MCTP2: variants seen among roughly 807,000 people sequenced by gnomAD.
MCTP2 encodes multiple C2 and transmembrane domain containing 2.
A neutral mutation model predicts 111.6 loss-of-function variants in MCTP2; 132 were observed. The observed-to-expected ratio is 1.18, with a 90% CI of 1.03 to 1.37. The LOEUF is 1.37. MCTP2 is among the 40% of genes most tolerant of loss of function. MCTP2 has a pLI of 0.00. For missense variants in MCTP2, 1,183 were observed against 1,067.9 expected, an observed-to-expected ratio of 1.11 and a Z score of -1.50; for synonymous variants, 395 against 387.7, an observed-to-expected ratio of 1.02 and a Z score of -0.22.
chr15:94,325,894 A>G (rs952755893), intron 4 of MCTP2, among the ~76,000 whole-genome samples: 1 of 139,398 alleles, frequency 7.2e-6, no homozygotes, highest in Non-Finnish European at 1.5e-5. Context: ...ATCTCGGCTC[A>G]CTGCAACCTC....
At chr15:94,272,375 A>G in intron 1 of MCTP2, among the ~76,000 whole-genome samples, 1 of 152,192 alleles carries the variant, frequency 6.6e-6, no homozygotes, top group East Asian at 1.9e-4. Context: ...TGAACACTGT[A>G]GCCAGAGAAG....
At chr15:94,270,020 G>A (rs554306776) in intron 1 of MCTP2, among the ~76,000 whole-genome samples, 1 of 152,260 alleles carries the variant, frequency 6.6e-6, no homozygotes, top group South Asian at 2.1e-4. Flanking sequence ...GCACAGTGGT[G>A]AGGGTATTCA....
rs534144514 is a variant in MCTP2, at chr15:94,434,994, G to T, written c.2086-5182G>T. Among the ~76,000 whole-genome samples, 76 of 152,070 alleles carry T rather than the reference G, an allele frequency of 5.0e-4. No homozygotes were observed. The South Asian group carries it at 8.7e-3, about 17-fold the overall frequency. ...TTCTCCTGCCTTAGCCTCCCGAGTA[G>T]CTGGGATTACAGGCACATGCCACCA... On this transcript the variant is annotated intron_variant, in intron 17 of 22. Transcript: ENST00000357742.
At chr15:94,402,757 G>A (rs2081665365) in intron 17 of MCTP2, 9 of 1,425,010 alleles carry the variant, frequency 6.3e-6, no homozygotes, top group South Asian at 1.6e-5. Flanking sequence ...GAGAAATCAA[G>A]TCTCCCGACT....
At chr15:94,421,914 T>C (rs1367451413) in intron 17 of MCTP2, among the ~76,000 whole-genome samples, 1 of 152,210 alleles carries the variant, frequency 6.6e-6, no homozygotes, top group Non-Finnish European at 1.5e-5. Context: ...CATTCCTGTC[T>C]TCCATTCATG....
intron 7 of MCTP2, among the ~76,000 whole-genome samples, chr15:94,344,695 TA>T (rs1289353009): frequency 6.6e-6 from 1 of 152,210 alleles, no homozygotes; most frequent in Non-Finnish European, 1.5e-5. Context: ...TAAATGGAAT[TA>T]TTTTTTTCTA....
chr15:94,412,160 ATTTGTTT>A (rs1269479584), intron 17 of MCTP2, among the ~76,000 whole-genome samples: 1 of 152,178 alleles, frequency 6.6e-6, no homozygotes, highest in Admixed American at 6.5e-5. Context: ...AGGCCTCCTC[ATTTGTTT>A]GAATAGAGGA....
chr15:94,378,710 C>T (rs2079921784), intron 12 of MCTP2, among the ~76,000 whole-genome samples: 1 of 152,176 alleles, frequency 6.6e-6, no homozygotes, highest in African/African-American at 2.4e-5. Context: ...TTCTAGACAT[C>T]TGTCACAGCA....
In MCTP2 at chr15:94,483,237, C is replaced by T. The variant is rs1472206078; in HGVS notation, c.*4203C>T. The T allele has an allele frequency of 6.6e-6, 1 of 152,170 alleles. No individual in the cohort carries two copies. The highest frequency in any genetic ancestry group is 1.5e-5 in the Non-Finnish European group (1 of 68,032). The allele number at this position is 152,170 out of a possible 1,614,324, so 9.4% of individuals were successfully genotyped here. On this transcript the variant is annotated 3_prime_UTR_variant, in exon 23 of 23. Transcript: ENST00000357742. ...TCATTATTGAAAACTATGTTCTGCA[C>T]TTATACATTGTTGGTTGGAGTGTAA... is the stretch of plus-strand genomic sequence containing the variant.
At chr15:94,267,130 T>C (rs543733356) in intron 1 of MCTP2, among the ~76,000 whole-genome samples, 1 of 152,346 alleles carries the variant, frequency 6.6e-6, no homozygotes, top group Admixed American at 6.5e-5. Flanking sequence ...TGTTGGAGTT[T>C]GAGAGATACG....
At chr15:94,428,629 T>C (rs2083006274) in intron 17 of MCTP2, among the ~76,000 whole-genome samples, 1 of 152,150 alleles carries the variant, frequency 6.6e-6, no homozygotes, top group African/African-American at 2.4e-5. Context: ...CCCAGACACC[T>C]ATCAGACCTT....
chr15:94,292,430 A>G (rs2152327094), intron 1 of MCTP2, among the ~76,000 whole-genome samples: 1 of 152,356 alleles, frequency 6.6e-6, no homozygotes, highest in East Asian at 1.9e-4. Context: ...AGGAAGTTAC[A>G]GGATACAAAG....
intron 17 of MCTP2, among the ~76,000 whole-genome samples, chr15:94,435,136 G>T (rs1232937787): frequency 2.6e-5 from 4 of 151,824 alleles, no homozygotes; most frequent in African/African-American, 4.8e-5. Context: ...AAGTGCTAGG[G>T]TTACAGGCAT....
chr15:94,260,567 A>T (rs1188882290), intron 1 of MCTP2, among the ~76,000 whole-genome samples: 2 of 152,186 alleles, frequency 1.3e-5, no homozygotes, highest in Non-Finnish European at 2.9e-5. Context: ...AGGAGCCATT[A>T]AAGGTGATTC....
chr15:94,376,382 C>G (rs2079773716), intron 12 of MCTP2, among the ~76,000 whole-genome samples: 1 of 152,162 alleles, frequency 6.6e-6, no homozygotes, highest in Non-Finnish European at 1.5e-5. Flanking sequence ...TGTATGATAG[C>G]TGTCTCTCAT....
chr15:94,473,810 G>T (rs1200847805), intron 21 of MCTP2, among the ~76,000 whole-genome samples: 1 of 152,198 alleles, frequency 6.6e-6, no homozygotes, highest in Non-Finnish European at 1.5e-5. Context: ...CCCAACCAGT[G>T]TATTACAGTT....
intron 17 of MCTP2, among the ~76,000 whole-genome samples, chr15:94,422,492 C>T (rs1242869891): frequency 2.0e-5 from 3 of 152,168 alleles, no homozygotes; most frequent in Non-Finnish European, 4.4e-5. Context: ...CGATCTTGCC[C>T]TTTCCCAGTG....
intron 20 of MCTP2, among the ~76,000 whole-genome samples, chr15:94,469,059 G>A (rs931603102): frequency 1.3e-5 from 2 of 152,172 alleles, no homozygotes; most frequent in African/African-American, 2.4e-5. Flanking sequence ...GAATTATTAA[G>A]AGCATTACAT....
intron 21 of MCTP2, among the ~76,000 whole-genome samples, chr15:94,474,165 T>TA (rs951582538): frequency 5.9e-5 from 9 of 152,304 alleles, no homozygotes; most frequent in African/African-American, 1.9e-4. Flanking sequence ...CTATTTAGGT[T>TA]AAAAAAATCT....
Sources: allele counts gnomAD v4.1 joint callset (sites outside exome capture counted in the v4.1 genomes callset), GRCh38; gene constraint gnomAD v4.1.1; transcripts MANE v1.5; gene names NCBI Gene and HGNC (gene_info 2026-07-23, HGNC 2026-07-21).